MLIP: variants seen among roughly 807,000 people sequenced by gnomAD.
MLIP encodes muscular LMNA-interacting protein.
MLIP carries 79 observed loss-of-function variants against 84.8 expected under a neutral mutation model. The ratio of observed to expected loss-of-function variants is 0.93; its 90% CI spans 0.78 to 1.12. The LOEUF (loss-of-function observed/expected upper bound fraction) is 1.12, where lower values mean the gene tolerates loss of function less well. MLIP is among the 50% of genes most tolerant of loss of function. MLIP has a pLI of 0.00. For missense variants in MLIP, 1,257 were observed against 1,160.6 expected, an observed-to-expected ratio of 1.08 and a Z score of -1.21; for synonymous variants, 504 against 463.0, an observed-to-expected ratio of 1.09 and a Z score of -1.14.
chr6:54,053,372 A>G (rs1765480015), intron 1 of MLIP, among the ~76,000 whole-genome samples: 1 of 152,252 alleles, frequency 6.6e-6, no homozygotes, highest in Admixed American at 6.5e-5. Flanking sequence ...ATGAAAATGA[A>G]TAGCATTTAT....
rs1448288533 is a variant in MLIP at position 54,121,551 on chromosome 6, T to C, written c.201T>C (p.Leu67=). 1 of 1,613,854 alleles carries C rather than the reference T, an allele frequency of 6.2e-7. No individual in the cohort carries two copies. Among genetic ancestry groups the C allele is most frequent in the South Asian group, 1.1e-5 (1 of 91,052 alleles). Reference sequence around the variant, plus strand: ...AGTTGGCTGACACCTCTAAATTCCTTGTTAAAATTCCAGAAGAATCAAGTG... The same window carrying C: ...AGTTGGCTGACACCTCTAAATTCCTCGTTAAAATTCCAGAAGAATCAAGTG... The part of the protein sequence containing the change: ...HTQLADTSKF[L]VKIPEESSDK... The change falls in exon 2 of 14, where the codon CTT becomes CTC. Residue 67 remains leucine (L), a synonymous_variant. Transcript: ENST00000502396.
At chr6:54,035,172 A>G (rs1764357618) in intron 1 of MLIP, among the ~76,000 whole-genome samples, 1 of 152,144 alleles carries the variant, frequency 6.6e-6, no homozygotes, top group Non-Finnish European at 1.5e-5. Flanking sequence ...CAAAATTGCC[A>G]AGGACTCATT....
rs895755770 is a variant in MLIP at position 54,136,926 on chromosome 6, C to A, written c.857C>A (p.Pro286His). ...TYFQTTAHST[P>H]FSASKGTSST... ...TTTCAAACTACCGCTCACTCTACAC[C>A]CTTTTCTGCATCGAAGGGCACCTCC... The change falls in exon 4 of 14, where the codon CCC becomes CAC. Residue 286 changes from proline to histidine, a missense_variant. Physicochemically the swap from Pro to His is moderately conservative, Grantham distance 77. Coordinates refer to ENST00000502396, the MANE Select transcript of MLIP (RefSeq NM_001281747.2). 1.2e-5 allele frequency: 18 copies of A among 1,536,052 alleles called. No homozygotes were observed. Among genetic ancestry groups the A allele is most frequent in the Non-Finnish European group, 1.6e-5 (18 of 1,146,880 alleles).
At position 54,137,137 on chromosome 6, in the gene MLIP, G is replaced by A; in HGVS notation, c.1068G>A (p.Leu356=). 1.3e-6 allele frequency: 2 copies of A among 1,536,028 alleles called. No individual in the cohort carries two copies. Among genetic ancestry groups the A allele is most frequent in the South Asian group, 1.2e-5 (1 of 84,050 alleles). ...SSSPPSSSAS[L]KSNSASYIPV... ...CTCCACCGTCCTCCAGTGCTTCTCT[G>A]AAGTCGAATTCGGCCTCGTACATAC... The change falls in exon 4 of 14, where the codon CTG becomes CTA. Residue 356 remains leucine, a synonymous_variant. Coordinates refer to ENST00000502396, the MANE Select transcript of MLIP (RefSeq NM_001281747.2).
chr6:54,205,503 T>A (rs191401439), intron 11 of MLIP, among the ~76,000 whole-genome samples: 34 of 152,332 alleles, frequency 2.2e-4, no homozygotes, highest in African/African-American at 7.5e-4. Flanking sequence ...TCACTGCCAT[T>A]AGATATGATT....
Position 54,206,419 on chromosome 6 carries a change from T to C in MLIP, c.2718+4186T>C, listed in dbSNP as rs183693742. ...TGATTTTCCAAGAAATATTTTTCTTTTTTTTTTCCGTTTGTGAGAAATAAC... is the reference window on the plus strand; with the variant it reads ...TGATTTTCCAAGAAATATTTTTCTTCTTTTTTTCCGTTTGTGAGAAATAAC... On this transcript the variant is annotated intron_variant, in intron 11 of 13. Coordinates refer to ENST00000502396, the MANE Select transcript of MLIP (RefSeq NM_001281747.2). Among the ~76,000 whole-genome samples, 803 of 152,252 alleles carry C rather than the reference T, an allele frequency of 5.3e-3. 22 individuals are homozygous for C. Among genetic ancestry groups the C allele is most frequent in the East Asian group, 4.2e-3 (22 of 5,190 alleles).
intron 1 of MLIP, among the ~76,000 whole-genome samples, chr6:54,117,605 G>A (rs1042052646): frequency 3.3e-5 from 5 of 151,916 alleles, no homozygotes; most frequent in African/African-American, 9.7e-5. Flanking sequence ...AATTTGGAAA[G>A]GAAGCAGTTA....
chr6:54,071,223 C>G (rs1234145433), intron 1 of MLIP, among the ~76,000 whole-genome samples: 5 of 151,972 alleles, frequency 3.3e-5, no homozygotes, highest in African/African-American at 1.2e-4. Flanking sequence ...GAGGATGCAT[C>G]TGCTTTGCAT....
intron 1 of MLIP, among the ~76,000 whole-genome samples, chr6:54,087,272 G>A (rs1402257814): frequency 2.6e-5 from 4 of 152,136 alleles, no homozygotes; most frequent in East Asian, 1.9e-4. Context: ...GGGCAAGGAG[G>A]TGTTACAATA....
rs367907252 is a variant in MLIP, at chr6:54,149,554, C to G, written c.2289+427C>G. Among the ~76,000 whole-genome samples, 27 of 152,256 alleles carry G rather than the reference C, an allele frequency of 1.8e-4. 1 individual carries two copies. Among genetic ancestry groups the G allele is most frequent in the African/African-American group, 6.3e-4 (26 of 41,566 alleles). ...TTGTTGACTGGTAAAGACTTGGTGA[C>G]TAACAGTGGCTTCCACCATTGTACT... is the stretch of plus-strand genomic sequence containing the variant. On this transcript the variant is annotated intron_variant, in intron 5 of 13. Transcript: ENST00000502396.
intron 9 of MLIP, among the ~76,000 whole-genome samples, chr6:54,174,259 T>A (rs914666588): frequency 1.3e-5 from 2 of 152,010 alleles, no homozygotes; most frequent in South Asian, 4.1e-4. Context: ...TGACCAGCAG[T>A]GAAATTGTTG....
At chr6:54,041,065 C>A (rs764249633) in intron 1 of MLIP, 1 of 151,980 alleles carries the variant, frequency 6.6e-6, no homozygotes, top group Non-Finnish European at 1.5e-5. Context: ...CCTGAAGCTA[C>A]GATGAAAGCT....
intron 1 of MLIP, among the ~76,000 whole-genome samples, chr6:54,037,465 G>A: frequency 6.6e-6 from 1 of 151,836 alleles, no homozygotes; most frequent in African/African-American, 2.4e-5. Flanking sequence ...GATAGAGAGG[G>A]AGAAAGAGAG....
chr6:54,246,864 A>G (rs548710618), intron 12 of MLIP, among the ~76,000 whole-genome samples: 2 of 152,168 alleles, frequency 1.3e-5, no homozygotes, highest in South Asian at 4.2e-4. Context: ...ATAGTGTTCA[A>G]TTCTAGGTGT....
At chr6:54,030,443 A>G (rs1237460344) in intron 1 of MLIP, among the ~76,000 whole-genome samples, 1 of 152,174 alleles carries the variant, frequency 6.6e-6, no homozygotes, top group Non-Finnish European at 1.5e-5. Context: ...GAGGTAAAGA[A>G]TATAGGTAAG....
chr6:54,228,681 G>A (rs9474765), intron 11 of MLIP, among the ~76,000 whole-genome samples: 12,804 of 152,248 alleles, frequency 0.084, 670 homozygotes, highest in East Asian at 0.21. Context: ...TGGTGAATTC[G>A]TTGCTTTCCA....
chr6:54,257,765 T>C (rs1351120403), intron 13 of MLIP, among the ~76,000 whole-genome samples: 1 of 152,052 alleles, frequency 6.6e-6, no homozygotes, highest in Non-Finnish European at 1.5e-5. Flanking sequence ...TTTCAGTTCA[T>C]AGGAAGATGA....
chr6:54,041,253 T>C (rs1377231307), intron 1 of MLIP, among the ~76,000 whole-genome samples: 1 of 152,134 alleles, frequency 6.6e-6, no homozygotes, highest in Non-Finnish European at 1.5e-5. Flanking sequence ...AATAGACTAA[T>C]ACTTTGTTTC....
rs34725649 is a variant in MLIP, at chr6:54,244,183, A to T, written c.2923-13125A>T. ...TATGTATGATTAGAAATCCGTGTGA[A>T]TAAACCAGGTAATTTATTTTCAATC... On this transcript the variant is annotated intron_variant, in intron 12 of 13. Coordinates refer to ENST00000502396, the MANE Select transcript of MLIP (RefSeq NM_001281747.2). 2.8e-3 allele frequency among the ~76,000 whole-genome samples: 431 copies of T among 152,318 alleles called. 6 individuals are homozygous for T. Among genetic ancestry groups the T allele is most frequent in the South Asian group, 0.02 (98 of 4,826 alleles).
Sources: allele counts gnomAD v4.1 joint callset (sites outside exome capture counted in the v4.1 genomes callset), GRCh38; gene constraint gnomAD v4.1.1; transcripts MANE v1.5; gene names NCBI Gene and HGNC (gene_info 2026-07-23, HGNC 2026-07-21).